TMEM154: variants seen among roughly 807,000 people sequenced by gnomAD.
TMEM154 encodes the protein transmembrane protein 154.
In TMEM154, 27 loss-of-function variants were observed where a neutral mutation model predicts 24.5. The observed-to-expected ratio is 1.10, with a 90% CI of 0.81 to 1.52. The LOEUF is 1.52. Among genes scored for constraint, TMEM154 ranks in the 40% most tolerant of loss-of-function variants. The pLI, the probability that TMEM154 is intolerant of heterozygous loss-of-function variation, is 0.00. For missense variants in TMEM154, 228 were observed against 213.4 expected (o/e 1.07, Z -0.43); for synonymous variants, 67 against 76.8 (o/e 0.87, Z 0.67).
In TMEM154 at chr4:152,622,510, TAC is replaced by T; in HGVS notation, c.*6034_*6035del. ...TTTTATTCTAAATATTGATATTAAT[TAC>T]ATAGAAATTCACATAGAAGCTATTC... On this transcript the variant is annotated 3_prime_UTR_variant, in exon 7 of 7. Coordinates refer to ENST00000304385, the MANE Select transcript of TMEM154 (RefSeq NM_152680.3). The T allele has an allele frequency of 6.6e-6, 1 of 152,190 alleles. No individual in the cohort carries two copies. Among genetic ancestry groups the T allele is most frequent in the East Asian group, 1.9e-4 (1 of 5,202 alleles). The allele number at this position is 152,190 out of a possible 1,614,324, so 9.4% of individuals were successfully genotyped here. A position where few individuals can be genotyped will look rare whatever the true frequency, so the allele number is the denominator to read the frequency against.
At chr4:152,678,587 A>G (rs928917594) in intron 1 of TMEM154, among the ~76,000 whole-genome samples, 27 of 152,088 alleles carry the variant, frequency 1.8e-4, no homozygotes, top group Admixed American at 1.2e-3. Flanking sequence ...ACTCTGGAGT[A>G]GAAGCCAGAA....
intron 3 of TMEM154, 87 bp from the exon 4 acceptor site, chr4:152,644,529 A>G: frequency 7.7e-7 from 1 of 1,299,292 alleles, no homozygotes; most frequent in South Asian, 1.2e-5. Flanking sequence ...TCTCCTTTAC[A>G]AAGAGAGCAA....
intron 1 of TMEM154, chr4:152,669,031 T>C (rs1450508671): frequency 6.6e-6 from 1 of 152,228 alleles, no homozygotes; most frequent in Non-Finnish European, 1.5e-5. Context: ...GCTGGAGCTA[T>C]CGATTTGGTG....
At chr4:152,646,040 A>G (rs1294914287) in intron 3 of TMEM154, among the ~76,000 whole-genome samples, 1 of 152,034 alleles carries the variant, frequency 6.6e-6, no homozygotes, top group Non-Finnish European at 1.5e-5. Context: ...AGGAATTTTA[A>G]TATAAATAAA....
chr4:152,662,696 G>C (rs1728636348), intron 1 of TMEM154, among the ~76,000 whole-genome samples: 1 of 152,180 alleles, frequency 6.6e-6, no homozygotes, highest in Non-Finnish European at 1.5e-5. Flanking sequence ...TAAAACCACT[G>C]TGTTTAAAGA....
rs1282402312 is a variant in TMEM154 at position 152,644,402 on chromosome 4, A to T, written c.392+13T>A. The T allele has an allele frequency of 6.2e-7, 1 of 1,613,974 alleles. No homozygotes were observed. Among genetic ancestry groups the T allele is most frequent in the Non-Finnish European group, 8.5e-7 (1 of 1,179,928 alleles). ...ACACCCCAGGTGGATCAGAAGCAGC[A>T]GGGAAAACTTACACTTTCACGTTTT... is the stretch of plus-strand genomic sequence containing the variant. On this transcript the variant is annotated intron_variant, in intron 4 of 6. Transcript: ENST00000304385.
intron 1 of TMEM154, among the ~76,000 whole-genome samples, chr4:152,658,721 G>C (rs1314813815): frequency 1.3e-5 from 2 of 151,632 alleles, no homozygotes; most frequent in Non-Finnish European, 2.9e-5. Flanking sequence ...GCTGAGGCAG[G>C]AGGATCACTT....
In TMEM154 at chr4:152,628,393, G is replaced by A; in HGVS notation, c.*153C>T. 2.4e-6 allele frequency: 3 copies of A among 1,256,838 alleles called. No homozygotes were observed. The Middle Eastern group carries it at 6.0e-4, about 251-fold the overall frequency. The allele number at this position is 1,256,838 out of a possible 1,614,324, so 77.9% of individuals were successfully genotyped here. On this transcript the variant is annotated 3_prime_UTR_variant, in exon 7 of 7. Transcript: ENST00000304385. ...CCAAGTGCAAGTGATGCCATCATTAGGAAGAGTGGGCGTTGGAAGAAACAG... is the reference window on the plus strand; with the variant it reads ...CCAAGTGCAAGTGATGCCATCATTAAGAAGAGTGGGCGTTGGAAGAAACAG...
rs1430238304 is a variant in TMEM154 at position 152,623,574 on chromosome 4, A to C, written c.*4972T>G. The C allele has an allele frequency of 6.6e-6, 1 of 152,188 alleles. No individual in the cohort carries two copies. Among genetic ancestry groups the C allele is most frequent in the East Asian group, 1.9e-4 (1 of 5,202 alleles). The allele number at this position is 152,188 out of a possible 1,614,324, so 9.4% of individuals were successfully genotyped here. A position where few individuals can be genotyped will look rare whatever the true frequency, so the allele number is the denominator to read the frequency against. On this transcript the variant is annotated 3_prime_UTR_variant, in exon 7 of 7. Transcript: ENST00000304385. ...TACATATCATTCTTTAGTCCTTTAC[A>C]TGCAGACCAAAGAAATGAAAACTGG...
At chr4:152,631,213 C>T (rs1370469359) in intron 6 of TMEM154, among the ~76,000 whole-genome samples, 6 of 152,190 alleles carry the variant, frequency 3.9e-5, no homozygotes, top group Non-Finnish European at 8.8e-5. Flanking sequence ...TCTTCCAACA[C>T]TACTCTTTAG....
chr4:152,630,563 A>T (rs1411674802), intron 6 of TMEM154, among the ~76,000 whole-genome samples: 2 of 152,104 alleles, frequency 1.3e-5, no homozygotes, highest in Non-Finnish European at 2.9e-5. Context: ...TTCCTTTGTG[A>T]CCTTATCTTG....
chr4:152,632,637 G>T (rs2149778004), intron 6 of TMEM154, among the ~76,000 whole-genome samples: 1 of 152,254 alleles, frequency 6.6e-6, no homozygotes, highest in East Asian at 1.9e-4. Flanking sequence ...ATAAGAATCT[G>T]AACATTTTAT....
intron 4 of TMEM154, among the ~76,000 whole-genome samples, chr4:152,643,802 A>G (rs1012762239): frequency 9.9e-5 from 15 of 152,194 alleles, no homozygotes; most frequent in Non-Finnish European, 1.6e-4. Context: ...TACACTGCGT[A>G]GAGGAAGCGA....
intron 1 of TMEM154, chr4:152,666,777 G>A (rs1444025429): frequency 6.6e-6 from 1 of 152,240 alleles, no homozygotes; most frequent in Admixed American, 6.5e-5. Flanking sequence ...GACACAACCT[G>A]GCTATGGGAG....
chr4:152,653,390 AT>A (rs56224803), intron 1 of TMEM154, among the ~76,000 whole-genome samples: 9,348 of 141,798 alleles, frequency 0.066, 246 homozygotes, highest in African/African-American at 0.076. Flanking sequence ...CTGTGTCCTA[AT>A]TTTTTTTTTT....
intron 3 of TMEM154, among the ~76,000 whole-genome samples, chr4:152,649,479 C>T (rs76347988): frequency 0.048 from 7,292 of 152,208 alleles, 212 homozygotes; most frequent in East Asian, 0.073. Context: ...AATCTTTAGA[C>T]AGTTGAAGAA....
At chr4:152,671,746 CAA>C (rs10670541) in intron 1 of TMEM154, among the ~76,000 whole-genome samples, 1 of 66,756 alleles carries the variant, frequency 1.5e-5, no homozygotes, top group African/African-American at 7.1e-5. Flanking sequence ...GACTCCGTCT[CAA>C]AAAAAAAAAA....
At chr4:152,638,018 T>C (rs1181859705) in intron 6 of TMEM154, among the ~76,000 whole-genome samples, 2 of 152,184 alleles carry the variant, frequency 1.3e-5, no homozygotes, top group Non-Finnish European at 2.9e-5. Flanking sequence ...CCCAACACTT[T>C]GGGAGGCCAA....
chr4:152,673,001 C>G (rs1728878247), intron 1 of TMEM154, among the ~76,000 whole-genome samples: 1 of 152,168 alleles, frequency 6.6e-6, no homozygotes, highest in Non-Finnish European at 1.5e-5. Flanking sequence ...GCCCATGGGT[C>G]TTAGTTTGCT....
Sources: gnomAD v4.1 joint callset for allele counts (sites outside exome capture counted in the v4.1 genomes callset) on GRCh38, gnomAD v4.1.1 for gene constraint, MANE v1.5 for transcripts, NCBI Gene and HGNC (gene_info 2026-07-23, HGNC 2026-07-21) for gene names.